MADD: variants seen among roughly 807,000 people sequenced by gnomAD.
MADD encodes the protein MAP kinase activating death domain.
A neutral mutation model predicts 176.7 loss-of-function variants in MADD; 109 were observed. That is an observed-to-expected ratio of 0.62 (90% confidence interval 0.53 to 0.72). The LOEUF (loss-of-function observed/expected upper bound fraction) is 0.72, where lower values mean the gene tolerates loss of function less well. MADD is among the 30% of genes least tolerant of loss of function. The probability of loss-of-function intolerance (pLI) is 0.00; values close to 1 mark genes in which losing one functional copy is unlikely to be tolerated. For synonymous variants in MADD, 771 were observed against 771.3 expected (o/e 1.00, Z 0.01); for missense variants, 1,914 against 2,045.5 (o/e 0.94, Z 1.24).
intron 19 of MADD, among the ~76,000 whole-genome samples, chr11:47,293,416 C>T (rs534217973): frequency 6.6e-6 from 1 of 151,916 alleles, no homozygotes; most frequent in South Asian, 2.1e-4. Flanking sequence ...ATTGTCGTGC[C>T]TCAACCTCCC....
intron 22 of MADD, among the ~76,000 whole-genome samples, chr11:47,303,766 C>T (rs1246069537): frequency 5.9e-5 from 9 of 151,544 alleles, no homozygotes; most frequent in East Asian, 1.9e-4. Flanking sequence ...CCACCACGCT[C>T]GGCTAATTTT....
intron 16 of MADD, 150 bp from the exon 18 acceptor site, chr11:47,289,717 C>A: frequency 3.2e-6 from 3 of 934,882 alleles, no homozygotes; most frequent in African/African-American, 3.3e-5. Flanking sequence ...AAATCGCGTG[C>A]TCCAGAGAGG....
At chr11:47,275,111 G>T in exon 3 of MADD, 2 of 1,614,212 alleles carry the variant, frequency 1.2e-6, no homozygotes, top group Non-Finnish European at 8.5e-7. Context: ...GACTGCTGTA[G>T]TGAGCGCCTT....
At chr11:47,316,662 C>A (rs2093115859) in intron 27 of MADD, among the ~76,000 whole-genome samples, 2 of 152,048 alleles carry the variant, frequency 1.3e-5, no homozygotes, top group African/African-American at 2.4e-5. Flanking sequence ...GTGCTGAGAT[C>A]ATAGGCGTGA....
rs1003631785 is a variant in MADD at position 47,288,861 on chromosome 11, C to T, written c.2654-530C>T. ...CCAAGAACCAAGGTTATGTGCATTC[C>T]TCAAGCTTTGGGAGAATGCTCAGAT... is the stretch of plus-strand genomic sequence containing the variant. On this transcript the variant is annotated intron_variant, in intron 15 of 32. Transcript: ENST00000402192. 1.3e-5 allele frequency: 11 copies of T among 862,436 alleles called. No homozygotes were observed. The African/African-American group carries it at 1.8e-4, about 14-fold the overall frequency. The allele number at this position is 862,436 out of a possible 1,614,324, so 53.4% of individuals were successfully genotyped here. A position where few individuals can be genotyped will look rare whatever the true frequency, so the allele number is the denominator to read the frequency against.
At chr11:47,290,122 A>C (rs1199842933) in intron 17 of MADD, 27 bp from the exon 19 acceptor site, 5 of 1,612,814 alleles carry the variant, frequency 3.1e-6, no homozygotes, top group Non-Finnish European at 4.2e-6. Context: ...CAATTTGCCA[A>C]CGCTAGCCCC....
Position 47,308,543 on chromosome 11 carries a change from C to G in MADD, c.3643-48C>G, listed in dbSNP as rs758430926. The G allele has an allele frequency of 2.1e-6, 3 of 1,427,842 alleles. No homozygotes were observed. In the Admixed American group the frequency reaches 5.2e-5, roughly 25 times the overall value. 88.4% of individuals were successfully genotyped at this position (1,427,842 alleles called of 1,614,324 possible). On this transcript the variant is annotated intron_variant, in intron 22 of 32. Transcript: ENST00000402192. ...GTGAAGTGCGTGGTTTCCTTTGTCT[C>G]TATTCATTGCTACCTCTGGCCACTG...
intron 22 of MADD, among the ~76,000 whole-genome samples, chr11:47,299,917 C>T (rs991069437): frequency 2.6e-5 from 4 of 152,096 alleles, no homozygotes; most frequent in African/African-American, 9.7e-5. Flanking sequence ...TTAGCATTTC[C>T]AGTTGAATAA....
exon 25 of MADD, chr11:47,309,535 A>G: frequency 6.2e-7 from 1 of 1,614,220 alleles, no homozygotes; most frequent in Non-Finnish European, 8.5e-7. Context: ...ACATGACCGG[A>G]AGCGCCTGGA....
intron 27 of MADD, among the ~76,000 whole-genome samples, chr11:47,317,072 G>A (rs1412095688): frequency 2.6e-5 from 4 of 152,136 alleles, no homozygotes; most frequent in African/African-American, 9.7e-5. Context: ...CAGAAAGATA[G>A]CACATCTTAT....
At chr11:47,288,122 A>G (rs2062151660) in intron 15 of MADD, among the ~76,000 whole-genome samples, 1 of 152,086 alleles carries the variant, frequency 6.6e-6, no homozygotes, top group African/African-American at 2.4e-5. Flanking sequence ...TCTCATTCCT[A>G]GTGGTAAAAA....
exon 11 of MADD, chr11:47,284,238 T>G: frequency 6.2e-7 from 1 of 1,614,192 alleles, no homozygotes; most frequent in Non-Finnish European, 8.5e-7. Context: ...TTGGTGACTT[T>G]GTCAGTGAAA....
chr11:47,328,419 G>A, intron 31 of MADD: 2 of 1,420,928 alleles, frequency 1.4e-6, no homozygotes, highest in South Asian at 1.5e-5. Flanking sequence ...TCAAGTAAAC[G>A]CCACTGCGGA....
intron 22 of MADD, among the ~76,000 whole-genome samples, chr11:47,306,019 A>T (rs1353131283): frequency 1.3e-5 from 2 of 152,148 alleles, no homozygotes; most frequent in Non-Finnish European, 2.9e-5. Flanking sequence ...GTGCCGCTTC[A>T]AGTTAGGTGC....
chr11:47,279,419 C>T (rs1415895211), intron 7 of MADD, among the ~76,000 whole-genome samples: 1 of 132,640 alleles, frequency 7.5e-6, no homozygotes, highest in Admixed American at 8.6e-5. Flanking sequence ...GAGTCTTGCT[C>T]TGTCCCCTAG....
At chr11:47,326,622 T>C (rs2095482040) in intron 30 of MADD, 70 bp downstream of exon 34, 1 of 1,507,008 alleles carries the variant, frequency 6.6e-7, no homozygotes, top group Non-Finnish European at 8.9e-7. Context: ...TCTTCTGTCC[T>C]CTCTTTGGGA....
At position 47,292,609 on chromosome 11, in the gene MADD, T is replaced by A. The variant is rs1592960622; in HGVS notation, c.3302-1274T>A. The A allele has an allele frequency of 8.1e-6, 13 of 1,613,860 alleles. No homozygotes were observed. The highest frequency in any genetic ancestry group is 1.1e-5 in the Non-Finnish European group (13 of 1,179,840). ...TTGGAAAAACAGAGTAAGGAACAAA[T>A]GCCCTTTCCTGTTCCCAAGTCCTCC... On this transcript the variant is annotated intron_variant, in intron 19 of 32. Transcript: ENST00000402192.
exon 3 of MADD, chr11:47,274,653 T>G (rs746550798): frequency 6.2e-7 from 1 of 1,614,192 alleles, no homozygotes; most frequent in South Asian, 1.1e-5. Context: ...TGCCCCCAGA[T>G]GTAGTGTTCT....
intron 19 of MADD, among the ~76,000 whole-genome samples, chr11:47,292,883 G>T (rs888840697): frequency 1.3e-5 from 2 of 152,086 alleles, no homozygotes; most frequent in Non-Finnish European, 2.9e-5. Context: ...GCCTATTTTA[G>T]TGCCCCCCAT....
Sources: gnomAD v4.1 joint callset for allele counts (sites outside exome capture counted in the v4.1 genomes callset) on GRCh38, gnomAD v4.1.1 for gene constraint, MANE v1.5 for transcripts, NCBI Gene and HGNC (gene_info 2026-07-23, HGNC 2026-07-21) for gene names.